The following BICD1 variants were observed in gnomAD, a reference collection of about 807,000 sequenced individuals.
BICD1 encodes protein bicaudal D homolog 1.
In BICD1, 35 loss-of-function variants were observed where a neutral mutation model predicts 92.5. The ratio of observed to expected loss-of-function variants is 0.38; its 90% CI spans 0.29 to 0.50. The LOEUF (loss-of-function observed/expected upper bound fraction) is 0.50. Among genes scored for constraint, BICD1 ranks in the 20% least tolerant of loss-of-function variants. The pLI is 0.93. For missense variants in BICD1, 950 were observed against 1,189.8 expected (o/e 0.80, Z 2.97); for synonymous variants, 429 against 465.1 (o/e 0.92, Z 1.00).
intron 1 of BICD1, among the ~76,000 whole-genome samples, chr12:32,175,934 C>T (rs1288176519): frequency 6.6e-6 from 1 of 152,152 alleles, no homozygotes; most frequent in Non-Finnish European, 1.5e-5. Flanking sequence ...CTTCTTGTTT[C>T]AGTGGATTTG....
Position 32,371,666 on chromosome 12 carries a change from G to A in BICD1, c.2840+3921G>A, listed in dbSNP as rs372492842. 7.2e-5 allele frequency among the ~76,000 whole-genome samples: 11 copies of A among 152,098 alleles called. No homozygotes were observed. In the East Asian group the frequency reaches 1.7e-3, roughly 24 times the overall value. ...GCAGTGGCGTGATCTTGGCTCACTG[G>A]CACCTCCACCTCCTGGGTTCAAGCA... On this transcript the variant is annotated intron_variant, in intron 9 of 9. Transcript: ENST00000652176.
At chr12:32,118,865 A>G (rs1004366601) in intron 1 of BICD1, among the ~76,000 whole-genome samples, 5 of 152,218 alleles carry the variant, frequency 3.3e-5, no homozygotes, top group African/African-American at 9.6e-5. Flanking sequence ...TGTGTCGGGC[A>G]TGGTGCCACT....
Position 32,252,088 on chromosome 12 carries a change from A to ATATATATTTATAATAAATATTATATAT in BICD1, c.426+35665_426+35691dup, listed in dbSNP as rs1293289772. Among the ~76,000 whole-genome samples, 10 of 25,580 alleles carry ATATATATTTATAATAAATATTATATAT rather than the reference A, an allele frequency of 3.9e-4. 4 individuals are homozygous for ATATATATTTATAATAAATATTATATAT. Among genetic ancestry groups the ATATATATTTATAATAAATATTATATAT allele is most frequent in the Admixed American group, 1.3e-3 (4 of 3,186 alleles). 16.8% of individuals were successfully genotyped at this position (25,580 alleles called of 152,430 possible). A position where few individuals can be genotyped will look rare whatever the true frequency, so the allele number is the denominator to read the frequency against. On this transcript the variant is annotated intron_variant, in intron 2 of 9. Coordinates refer to ENST00000652176, the MANE Select transcript of BICD1 (RefSeq NM_001714.4). ...ATATATTTATAATATATATTTATAA[A>ATATATATTTATAATAAATATTATATAT]TATATATTTATAATAAATATTATAT...
intron 3 of BICD1, among the ~76,000 whole-genome samples, chr12:32,300,711 C>G (rs898806674): frequency 1.5e-5 from 2 of 131,044 alleles, no homozygotes; most frequent in Non-Finnish European, 3.1e-5. Context: ...TGGAAGCAAT[C>G]CTGGCTCACT....
At chr12:32,332,333 A>T in intron 5 of BICD1, 1 of 472,154 alleles carries the variant, frequency 2.1e-6, no homozygotes, top group Non-Finnish European at 2.8e-6. Flanking sequence ...ACACACATTT[A>T]CCTATGTAAC....
rs894591090 is a variant in BICD1 at position 32,108,769 on chromosome 12, A to G, written c.213+1225A>G. The G allele has an allele frequency of 4.4e-5, 28 of 629,630 alleles. No homozygotes were observed. In the East Asian group the frequency reaches 7.5e-4, roughly 17 times the overall value. 39.0% of individuals were successfully genotyped at this position (629,630 alleles called of 1,614,324 possible). On this transcript the variant is annotated intron_variant, in intron 1 of 9. Transcript: ENST00000652176. ...TGGATGCCTGTCTACCAAAAAATAA[A>G]TGTACTACCTATGATTAAAAATCCC... is the stretch of plus-strand genomic sequence containing the variant.
chr12:32,359,272 A>G (rs1330037398), intron 8 of BICD1, among the ~76,000 whole-genome samples: 1 of 152,168 alleles, frequency 6.6e-6, no homozygotes, highest in East Asian at 1.9e-4. Context: ...TGGTTGTCTT[A>G]GTCCATTTTC....
At chr12:32,119,706 T>G (rs1420278781) in intron 1 of BICD1, among the ~76,000 whole-genome samples, 1 of 152,160 alleles carries the variant, frequency 6.6e-6, no homozygotes, top group Non-Finnish European at 1.5e-5. Flanking sequence ...ACCCCATCTC[T>G]ATTAAAAATA....
At chr12:32,333,888 T>C (rs1937988002) in intron 5 of BICD1, among the ~76,000 whole-genome samples, 1 of 152,216 alleles carries the variant, frequency 6.6e-6, no homozygotes, top group Non-Finnish European at 1.5e-5. Context: ...TTTATGGAGA[T>C]TTTGAAGGAA....
chr12:32,350,868 C>T (rs1938838241), intron 8 of BICD1, among the ~76,000 whole-genome samples: 1 of 152,138 alleles, frequency 6.6e-6, no homozygotes, highest in South Asian at 2.1e-4. Context: ...ATTCATTGTC[C>T]TTTGTCACCT....
rs560341695 is a variant in BICD1 at position 32,153,121 on chromosome 12, A to G, written c.213+45577A>G. Among the ~76,000 whole-genome samples the G allele has an allele frequency of 2.3e-3, 346 of 152,286 alleles. 2 individuals carry two copies. Among genetic ancestry groups the G allele is most frequent in the African/African-American group, 7.7e-3 (321 of 41,552 alleles). ...GCCTAGTATTGCCATCTTTATGTCCATAAGTACCTGATGTGTAGCTCTCAT... is the reference window on the plus strand; with the variant it reads ...GCCTAGTATTGCCATCTTTATGTCCGTAAGTACCTGATGTGTAGCTCTCAT... On this transcript the variant is annotated intron_variant, in intron 1 of 9. Coordinates refer to ENST00000652176, the MANE Select transcript of BICD1 (RefSeq NM_001714.4).
chr12:32,309,206 T>G (rs2136225044), intron 4 of BICD1, among the ~76,000 whole-genome samples: 1 of 152,266 alleles, frequency 6.6e-6, no homozygotes, highest in South Asian at 2.1e-4. Context: ...TTTATTGTAA[T>G]TGGCTTTGAT....
At chr12:32,209,088 T>C in intron 1 of BICD1, among the ~76,000 whole-genome samples, 1 of 152,178 alleles carries the variant, frequency 6.6e-6, no homozygotes, top group East Asian at 1.9e-4. Flanking sequence ...CCCAAACTGC[T>C]GGGATTACAG....
chr12:32,178,336 A>C lies in BICD1; in HGVS notation c.214-37911A>C, dbSNP rs535021253. Reference sequence around the variant, plus strand: ...GCAGGTATGAGTGTTAAAGAAGAGCAGGCCCTGGTCAGAGTATTCTCCAAT... The same window carrying C: ...GCAGGTATGAGTGTTAAAGAAGAGCCGGCCCTGGTCAGAGTATTCTCCAAT... On this transcript the variant is annotated intron_variant, in intron 1 of 9. Transcript: ENST00000652176. 3.2e-4 allele frequency among the ~76,000 whole-genome samples: 48 copies of C among 151,982 alleles called. 2 individuals are homozygous for C. Among genetic ancestry groups the C allele is most frequent in the Non-Finnish European group, 6.0e-4 (41 of 67,962 alleles).
chr12:32,375,668 C>T (rs1038193180), intron 9 of BICD1, among the ~76,000 whole-genome samples: 1 of 152,142 alleles, frequency 6.6e-6, no homozygotes, highest in Non-Finnish European at 1.5e-5. Context: ...CAGTACAGAA[C>T]AGCAAAGCTT....
chr12:32,222,553 G>A (rs1200552682), intron 2 of BICD1, among the ~76,000 whole-genome samples: 2 of 152,130 alleles, frequency 1.3e-5, no homozygotes, highest in Admixed American at 6.6e-5. Context: ...TGTCACCGTA[G>A]CTGCCAAGAG....
rs376173106 is a variant in BICD1 at position 32,107,406 on chromosome 12, G to A, written c.75G>A (p.Thr25=). The part of the protein sequence containing the change: ...TEIERLTKEL[T]ETTHEKIQAA... ...TAGAGAGGCTAACCAAGGAGCTCAC[G>A]GAGACCACCCACGAGAAGATCCAGG... The change falls in exon 1 of 10, where the codon ACG becomes ACA. Residue 25 remains threonine, a synonymous_variant. Transcript: ENST00000652176. 1.9e-6 allele frequency: 3 copies of A among 1,611,976 alleles called. No homozygotes were observed. The highest frequency in any genetic ancestry group is 1.1e-5 in the South Asian group (1 of 90,388).
chr12:32,284,656 C>T (rs142257251), intron 2 of BICD1, among the ~76,000 whole-genome samples: 18 of 152,286 alleles, frequency 1.2e-4, no homozygotes, highest in African/African-American at 4.3e-4. Context: ...TAGGTCTGAT[C>T]GTGTGGCTGT....
At chr12:32,159,366 T>C (rs1943534583) in intron 1 of BICD1, among the ~76,000 whole-genome samples, 1 of 152,166 alleles carries the variant, frequency 6.6e-6, no homozygotes, top group African/African-American at 2.4e-5. Context: ...AAAAAGTGAC[T>C]ACTAGTAGGC....
Sources: allele counts gnomAD v4.1 joint callset (sites outside exome capture counted in the v4.1 genomes callset), GRCh38; gene constraint gnomAD v4.1.1; transcripts MANE v1.5; gene names NCBI Gene and HGNC (gene_info 2026-07-23, HGNC 2026-07-21).